Variants in TRDN observed in about 807,000 individuals in gnomAD.
The protein encoded by TRDN is triadin in skeletal muscle.
TRDN carries 161 observed loss-of-function variants against 149.7 expected under a neutral mutation model. The ratio of observed to expected loss-of-function variants is 1.08; its 90% CI spans 0.95 to 1.23. TRDN has a LOEUF of 1.23. Ranked by LOEUF, TRDN falls within the 50% of genes most tolerant of loss-of-function variation. TRDN has a pLI of 0.00. For missense variants in TRDN, 896 were observed against 823.5 expected (o/e 1.09, Z -1.08); for synonymous variants, 294 against 250.5 (o/e 1.17, Z -1.64).
chr6:123,284,005 T>TATATATATAA (rs1188677769), intron 24 of TRDN, among the ~76,000 whole-genome samples: 1 of 122,768 alleles, frequency 8.1e-6, no homozygotes, highest in Admixed American at 8.3e-5. Flanking sequence ...TATATATATG[T>TATATATATAA]AACAAACCTG....
intron 7 of TRDN, among the ~76,000 whole-genome samples, chr6:123,507,514 A>C (rs1334082987): frequency 1.3e-5 from 2 of 152,194 alleles, no homozygotes; most frequent in Non-Finnish European, 2.9e-5. Context: ...CAACTAAACA[A>C]TGATGTGGCT....
intron 9 of TRDN, among the ~76,000 whole-genome samples, chr6:123,466,536 G>C (rs1776825901): frequency 6.6e-6 from 1 of 151,390 alleles, no homozygotes; most frequent in Admixed American, 6.6e-5. Flanking sequence ...TTAACAGAAG[G>C]GTCATCTATC....
At chr6:123,613,895 T>C (rs1219549366) in intron 1 of TRDN, among the ~76,000 whole-genome samples, 1 of 152,138 alleles carries the variant, frequency 6.6e-6, no homozygotes, top group Non-Finnish European at 1.5e-5. Flanking sequence ...AAAAGTCACA[T>C]AAAAGATAAA....
chr6:123,344,678 A>AT (rs1780190588), intron 21 of TRDN, among the ~76,000 whole-genome samples: 2 of 152,038 alleles, frequency 1.3e-5, no homozygotes, highest in Admixed American at 1.3e-4. Context: ...CTGTTCACCT[A>AT]TTGAAGGACA....
intron 21 of TRDN, among the ~76,000 whole-genome samples, chr6:123,348,413 T>C (rs1295727787): frequency 6.6e-6 from 1 of 152,144 alleles, no homozygotes; most frequent in Non-Finnish European, 1.5e-5. Context: ...TTCTGTGATT[T>C]AATTTTAGAG....
At chr6:123,543,549 G>A (rs1283798085) in intron 4 of TRDN, among the ~76,000 whole-genome samples, 2 of 152,032 alleles carry the variant, frequency 1.3e-5, no homozygotes, top group South Asian at 2.1e-4. Flanking sequence ...TACCCAGAAA[G>A]CAAAATGTTT....
intron 1 of TRDN, among the ~76,000 whole-genome samples, chr6:123,594,278 AC>A (rs1388916854): frequency 2.0e-5 from 3 of 152,102 alleles, no homozygotes; most frequent in Non-Finnish European, 4.4e-5. Context: ...CATTCAAATA[AC>A]CCTATTATTT....
At chr6:123,374,779 A>G (rs1372479344) in intron 19 of TRDN, among the ~76,000 whole-genome samples, 1 of 149,740 alleles carries the variant, frequency 6.7e-6, no homozygotes, top group Non-Finnish European at 1.5e-5. Context: ...ATCAAAAAAA[A>G]CAAAAACAAA....
At chr6:123,548,803 C>T (rs2114438667) in intron 2 of TRDN, among the ~76,000 whole-genome samples, 191 bp from the exon 3 acceptor site, 1 of 151,494 alleles carries the variant, frequency 6.6e-6, no homozygotes, top group East Asian at 1.9e-4. Context: ...GCATGCATGC[C>T]AAGAAAGAAA....
chr6:123,567,022 G>A (rs566288510), intron 2 of TRDN, among the ~76,000 whole-genome samples: 1 of 152,172 alleles, frequency 6.6e-6, no homozygotes, highest in Non-Finnish European at 1.5e-5. Flanking sequence ...GTTCACAGTA[G>A]AGCTTCCATT....
chr6:123,465,106 T>G (rs1193776286), intron 9 of TRDN, 123 bp from the exon 10 acceptor site: 1 of 1,071,026 alleles, frequency 9.3e-7, no homozygotes, highest in African/African-American at 1.6e-5. Flanking sequence ...GTATAAATCA[T>G]ATTATTATGC....
chr6:123,404,435 G>C (rs558065315), intron 12 of TRDN, among the ~76,000 whole-genome samples: 1 of 152,150 alleles, frequency 6.6e-6, no homozygotes, highest in South Asian at 2.1e-4. Flanking sequence ...TGGACTTTTT[G>C]TAATGTGTGG....
intron 1 of TRDN, among the ~76,000 whole-genome samples, chr6:123,572,527 G>A (rs1303264625): frequency 6.6e-6 from 1 of 152,106 alleles, no homozygotes; most frequent in Non-Finnish European, 1.5e-5. Flanking sequence ...AGAAGTAACT[G>A]AGAGATCATC....
chr6:123,584,926 C>T (rs1035806692), intron 1 of TRDN, among the ~76,000 whole-genome samples: 1 of 151,992 alleles, frequency 6.6e-6, no homozygotes, highest in Non-Finnish European at 1.5e-5. Flanking sequence ...GGTTTTAGGA[C>T]AGGTAAAATG....
rs566590299 is a variant in TRDN, at chr6:123,420,366, C to T, written c.1051+17697G>A. ...ATGCTCTTTCTGGTTCTACTGTTTT[C>T]CTGGCAGAGATGCAAGGATTTTTTT... On this transcript the variant is annotated intron_variant, in intron 12 of 40. Coordinates refer to ENST00000334268, the MANE Select transcript of TRDN (RefSeq NM_006073.4). 8.9e-4 allele frequency among the ~76,000 whole-genome samples: 127 copies of T among 143,080 alleles called. 1 individual carries two copies. Among genetic ancestry groups the T allele is most frequent in the South Asian group, 1.4e-3 (6 of 4,184 alleles). 93.9% of individuals were successfully genotyped at this position (143,080 alleles called of 152,430 possible). A position where few individuals can be genotyped will look rare whatever the true frequency, so the allele number is the denominator to read the frequency against.
intron 16 of TRDN, among the ~76,000 whole-genome samples, chr6:123,380,416 T>C (rs980457875): frequency 2.6e-5 from 4 of 152,204 alleles, no homozygotes; most frequent in African/African-American, 4.8e-5. Context: ...TGTATCTCTG[T>C]GCCAGTACTC....
At chr6:123,424,832 G>A (rs770744410) in intron 12 of TRDN, among the ~76,000 whole-genome samples, 4 of 152,082 alleles carry the variant, frequency 2.6e-5, no homozygotes. Flanking sequence ...CTCTGTAAAG[G>A]TGGAAACAGA....
At chr6:123,381,954 G>GTGCT (rs1347517216) in intron 15 of TRDN, among the ~76,000 whole-genome samples, 164 bp downstream of exon 15, 2 of 127,674 alleles carry the variant, frequency 1.6e-5, no homozygotes, top group African/African-American at 3.0e-5. Flanking sequence ...AATAGATTTG[G>GTGCT]CGCTCTCTCT....
chr6:123,568,288 T>A (rs887707176), intron 2 of TRDN, among the ~76,000 whole-genome samples: 1 of 152,202 alleles, frequency 6.6e-6, no homozygotes, highest in East Asian at 1.9e-4. Context: ...CTCTCACACA[T>A]TGTTGAGTGC....
Sources: allele counts gnomAD v4.1 joint callset (sites outside exome capture counted in the v4.1 genomes callset), GRCh38; gene constraint gnomAD v4.1.1; transcripts MANE v1.5; gene names NCBI Gene and HGNC (gene_info 2026-07-23, HGNC 2026-07-21).